Variants in SDCCAG8 observed in about 807,000 individuals in gnomAD.
The protein encoded by SDCCAG8 is serologically defined colon cancer antigen 8.
SDCCAG8 carries 74 observed loss-of-function variants against 101.8 expected under a neutral mutation model. That is an observed-to-expected ratio of 0.73 (90% CI 0.60 to 0.88). SDCCAG8 has a LOEUF of 0.88. SDCCAG8 is among the 40% of genes least tolerant of loss of function. The probability of loss-of-function intolerance (pLI) is 0.00; values close to 1 mark genes in which losing one functional copy is unlikely to be tolerated. For synonymous variants in SDCCAG8, 281 were observed against 292.9 expected, an observed-to-expected ratio of 0.96 and a Z score of 0.41; for missense variants, 787 against 822.6, an observed-to-expected ratio of 0.96 and a Z score of 0.53.
At chr1:243,356,558 A>T (rs1436191659) in intron 12 of SDCCAG8, among the ~76,000 whole-genome samples, 3 of 152,072 alleles carry the variant, frequency 2.0e-5, no homozygotes, top group Non-Finnish European at 4.4e-5. Flanking sequence ...AACTCAGAAG[A>T]GGCAAACATG....
intron 16 of SDCCAG8, among the ~76,000 whole-genome samples, chr1:243,432,236 A>G (rs908182371): frequency 6.6e-6 from 1 of 152,250 alleles, no homozygotes; most frequent in East Asian, 1.9e-4. Context: ...TTGCAGGAAC[A>G]TGAATGGAGC....
chr1:243,463,183 C>T (rs1316859351), intron 16 of SDCCAG8, among the ~76,000 whole-genome samples: 2 of 152,274 alleles, frequency 1.3e-5, no homozygotes, highest in Non-Finnish European at 2.9e-5. Context: ...TCTCAAGGAG[C>T]TAACATTTTA....
At chr1:243,294,486 A>T (rs1325450281) in intron 6 of SDCCAG8, among the ~76,000 whole-genome samples, 3 of 120,936 alleles carry the variant, frequency 2.5e-5, no homozygotes, top group Non-Finnish European at 3.5e-5. Context: ...GGGGGGGGAG[A>T]GAGAGAGAGA....
chr1:243,438,035 C>T (rs148116838), intron 16 of SDCCAG8, among the ~76,000 whole-genome samples: 1,816 of 152,272 alleles, frequency 0.012, 26 homozygotes, highest in South Asian at 0.05. Context: ...GCCCCTCCCC[C>T]GGGAGCTTGA....
At chr1:243,378,359 T>C (rs986458751) in intron 12 of SDCCAG8, among the ~76,000 whole-genome samples, 6 of 152,154 alleles carry the variant, frequency 3.9e-5, no homozygotes, top group African/African-American at 1.4e-4. Flanking sequence ...TGTAAATCAC[T>C]GCATGTGTCT....
intron 12 of SDCCAG8, among the ~76,000 whole-genome samples, chr1:243,355,629 G>A (rs1005910922): frequency 6.6e-6 from 1 of 152,026 alleles, no homozygotes; most frequent in Non-Finnish European, 1.5e-5. Context: ...TTTGGGATTT[G>A]GTGTTTTACT....
intron 16 of SDCCAG8, among the ~76,000 whole-genome samples, chr1:243,477,959 C>T (rs1662756671): frequency 6.6e-6 from 1 of 152,190 alleles, no homozygotes; most frequent in African/African-American, 2.4e-5. Flanking sequence ...TCAAACACTG[C>T]TTCCTCCTTT....
chr1:243,363,946 G>A (rs1262452022), intron 12 of SDCCAG8, among the ~76,000 whole-genome samples: 1 of 152,126 alleles, frequency 6.6e-6, no homozygotes, highest in African/African-American at 2.4e-5. Context: ...GCTAAAATTA[G>A]TTAGAAAATA....
chr1:243,415,030 C>T (rs1209174870), intron 13 of SDCCAG8, among the ~76,000 whole-genome samples: 3 of 152,138 alleles, frequency 2.0e-5, no homozygotes, highest in Non-Finnish European at 2.9e-5. Flanking sequence ...TGTCCTATCA[C>T]AGTACGATGG....
intron 10 of SDCCAG8, among the ~76,000 whole-genome samples, chr1:243,338,408 C>T (rs2075157818): frequency 6.6e-6 from 1 of 151,356 alleles, no homozygotes; most frequent in Non-Finnish European, 1.5e-5. Flanking sequence ...TTTTTTATTC[C>T]TCCCTTACTT....
chr1:243,312,753 G>A (rs2072873154), intron 8 of SDCCAG8, among the ~76,000 whole-genome samples: 1 of 151,884 alleles, frequency 6.6e-6, no homozygotes, highest in South Asian at 2.1e-4. Context: ...GACAAGGAGG[G>A]GATCAGGCAT....
chr1:243,416,895 TTTGCCAATCATTGGCTA>T lies in SDCCAG8; in HGVS notation c.1744+1067_1745-1056del, dbSNP rs1399102439. On this transcript the variant is annotated intron_variant, in intron 14 of 17. Coordinates refer to ENST00000366541, the MANE Select transcript of SDCCAG8 (RefSeq NM_006642.5). The surrounding 1 kb of genome is among the most constrained non-coding windows in gnomAD (Gnocchi z 4.3). ...ATTTTGATTTGTATGCTATATGCTT[TTTGCCAATCATTGGCTA>T]AAATTGAAAAGAAATAAAGGCCTCT... is the stretch of plus-strand genomic sequence containing the variant. Among the ~76,000 whole-genome samples, 1 of 152,200 alleles carries T rather than the reference TTTGCCAATCATTGGCTA, an allele frequency of 6.6e-6. No homozygotes were observed. The highest frequency in any genetic ancestry group is 1.9e-4 in the East Asian group (1 of 5,198).
chr1:243,482,296 G>A (rs766173874), intron 16 of SDCCAG8, among the ~76,000 whole-genome samples: 8 of 152,140 alleles, frequency 5.3e-5, no homozygotes, highest in Non-Finnish European at 1.0e-4. Flanking sequence ...ATGCTTGCAG[G>A]GTGTGGCTCA....
chr1:243,283,328 GGAAATTTTTCAGTCATTATTGACT>G (rs2149280629), intron 4 of SDCCAG8, among the ~76,000 whole-genome samples: 1 of 151,208 alleles, frequency 6.6e-6, no homozygotes, highest in Non-Finnish European at 1.5e-5. Context: ...CATTAATTCA[GGAAATTTTTCAGTCATTATTGACT>G]GAAATGTTTC....
chr1:243,370,554 C>G (rs1356295562), intron 12 of SDCCAG8, among the ~76,000 whole-genome samples: 2 of 152,222 alleles, frequency 1.3e-5, no homozygotes, highest in East Asian at 3.9e-4. Context: ...GTGGTGTAAA[C>G]TTGGCTTAGT....
intron 16 of SDCCAG8, among the ~76,000 whole-genome samples, chr1:243,434,933 C>T (rs2082036109): frequency 6.6e-6 from 1 of 152,094 alleles, no homozygotes; most frequent in South Asian, 2.1e-4. Context: ...GAAAAGGAGG[C>T]AACAAAACAA....
rs145146574 is a variant in SDCCAG8, at chr1:243,323,309, C to T, written c.1068+6416C>T. On this transcript the variant is annotated intron_variant, in intron 9 of 17. Coordinates refer to ENST00000366541, the MANE Select transcript of SDCCAG8 (RefSeq NM_006642.5). ...TCCACTGCTGGCACGTCACTTTCTT[C>T]GGATGACCTACTTCTCACTTTACTA... Among the ~76,000 whole-genome samples, 451 of 152,220 alleles carry T rather than the reference C, an allele frequency of 3.0e-3. 3 individuals are homozygous for T. The highest frequency in any genetic ancestry group is 0.011 in the African/African-American group (440 of 41,524).
chr1:243,457,916 A>C (rs1263071015), intron 16 of SDCCAG8, among the ~76,000 whole-genome samples: 1 of 152,238 alleles, frequency 6.6e-6, no homozygotes, highest in Non-Finnish European at 1.5e-5. Flanking sequence ...CTAGTCTGTT[A>C]ATATGTGTTT....
intron 16 of SDCCAG8, among the ~76,000 whole-genome samples, chr1:243,472,935 G>T (rs1661538257): frequency 6.6e-6 from 1 of 152,152 alleles, no homozygotes; most frequent in African/African-American, 2.4e-5. Flanking sequence ...TTCAGATAAA[G>T]TACTATTTCT....
Sources: allele counts gnomAD v4.1 joint callset (sites outside exome capture counted in the v4.1 genomes callset), GRCh38; gene constraint gnomAD v4.1.1; non-coding constraint Gnocchi (gnomAD v3.1); transcripts MANE v1.5; gene names NCBI Gene and HGNC (gene_info 2026-07-23, HGNC 2026-07-21).